ETFA: variants seen among roughly 807,000 people sequenced by gnomAD.
ETFA encodes electron transfer flavoprotein subunit alpha, mitochondrial.
Under a neutral mutation model 46.2 loss-of-function variants are expected in ETFA, and 22 were observed. The ratio of observed to expected loss-of-function variants is 0.48; its 90% CI spans 0.34 to 0.68. ETFA has a LOEUF of 0.68. Among genes scored for constraint, ETFA ranks in the 30% least tolerant of loss-of-function variants. The probability of loss-of-function intolerance (pLI) is 0.01; values close to 1 mark genes in which losing one functional copy is unlikely to be tolerated. For missense variants in ETFA, 345 were observed against 401.1 expected (o/e 0.86, Z 1.19); for synonymous variants, 131 against 139.9 (o/e 0.94, Z 0.45).
At chr15:76,256,983 T>C (rs1022509710) in intron 9 of ETFA, among the ~76,000 whole-genome samples, 1 of 152,246 alleles carries the variant, frequency 6.6e-6, no homozygotes, top group Non-Finnish European at 1.5e-5. Context: ...CACTCTATGA[T>C]GCTTACACAA....
chr15:76,240,296 C>T (rs2039171641), intron 9 of ETFA, among the ~76,000 whole-genome samples: 1 of 152,150 alleles, frequency 6.6e-6, no homozygotes, highest in Admixed American at 6.5e-5. Context: ...GGACTTGGTT[C>T]TTTTTAGTGA....
intron 9 of ETFA, among the ~76,000 whole-genome samples, chr15:76,249,446 T>C (rs1413688366): frequency 2.2e-4 from 30 of 139,094 alleles, no homozygotes; most frequent in African/African-American, 7.3e-4. Context: ...TTTTTTTTTT[T>C]TTTTTTTTTT....
intron 9 of ETFA, among the ~76,000 whole-genome samples, chr15:76,255,557 G>T (rs1382997240): frequency 6.6e-6 from 1 of 152,166 alleles, no homozygotes; most frequent in African/African-American, 2.4e-5. Flanking sequence ...AAAATATTTA[G>T]CTGTAAACAT....
chr15:76,260,643 A>C, intron 9 of ETFA: 5 of 1,544,306 alleles, frequency 3.2e-6, no homozygotes, highest in Non-Finnish European at 2.7e-6. Context: ...ATAGGGTCCC[A>C]GGGGGCCTTC....
chr15:76,260,055 C>T, intron 9 of ETFA: 1 of 1,488,186 alleles, frequency 6.7e-7, no homozygotes, highest in African/African-American at 1.4e-5. Context: ...CAGCTTTCAG[C>T]ATCTTCATAG....
chr15:76,221,120 C>A (rs1159177898), intron 11 of ETFA, among the ~76,000 whole-genome samples: 1 of 152,078 alleles, frequency 6.6e-6, no homozygotes, highest in Admixed American at 6.6e-5. Flanking sequence ...TGTTACATAC[C>A]CCTACAATGG....
chr15:76,288,573 G>A (rs2039723227), intron 4 of ETFA, among the ~76,000 whole-genome samples: 1 of 152,006 alleles, frequency 6.6e-6, no homozygotes, highest in Non-Finnish European at 1.5e-5. Flanking sequence ...GGGGATGGTG[G>A]TGTATGCCTG....
chr15:76,261,560 C>T (rs946054210), intron 9 of ETFA: 6 of 588,244 alleles, frequency 1.0e-5, no homozygotes, highest in Admixed American at 3.1e-5. Context: ...GGGACTCCCA[C>T]GAGCTTCAGA....
chr15:76,255,123 C>T (rs972744166), intron 9 of ETFA, among the ~76,000 whole-genome samples: 2 of 151,902 alleles, frequency 1.3e-5, no homozygotes, highest in Admixed American at 6.6e-5. Context: ...AAGATGAAAC[C>T]GATAACAGAG....
intron 8 of ETFA, among the ~76,000 whole-genome samples, chr15:76,276,374 T>C (rs779231414): frequency 9.2e-5 from 14 of 152,048 alleles, no homozygotes; most frequent in Non-Finnish European, 1.6e-4. Flanking sequence ...CTTCAGTATT[T>C]GTTATTTTTT....
chr15:76,274,672 G>C (rs977069882), intron 8 of ETFA, among the ~76,000 whole-genome samples, 178 bp from the exon 9 acceptor site: 2 of 151,834 alleles, frequency 1.3e-5, no homozygotes, highest in African/African-American at 4.8e-5. Context: ...TTTTAATTTG[G>C]GCTTAACTCT....
At position 76,287,889 on chromosome 15, in the gene ETFA, A is replaced by G. The variant is rs1260877339; in HGVS notation, c.408T>C (p.Ile136=). 6.2e-7 allele frequency: 1 copy of G among 1,614,044 alleles called. No individual in the cohort carries two copies. The highest frequency in any genetic ancestry group is 1.3e-5 in the African/African-American group (1 of 75,048). Reference sequence around the variant, plus strand: ...CAAATGTGTCAGGTGACTTGATTGCAATGATGTCAGAAATCGGGGCAACCT... The same window carrying G: ...CAAATGTGTCAGGTGACTTGATTGCGATGATGTCAGAAATCGGGGCAACCT... ...KLEVAPISDI[I]AIKSPDTFVR... is the part of the protein sequence containing the mutation. Residue 136 remains isoleucine (I), a synonymous_variant, in exon 5 of 12, where the codon ATT becomes ATC. Coordinates refer to ENST00000557943, the MANE Select transcript of ETFA (RefSeq NM_000126.4).
chr15:76,304,681 T>C (rs755417827), intron 1 of ETFA, among the ~76,000 whole-genome samples: 3 of 137,686 alleles, frequency 2.2e-5, no homozygotes, highest in African/African-American at 8.2e-5. Context: ...AAAAAAAAAT[T>C]GGGGGAAAAA....
At chr15:76,231,924 G>A (rs1407804463) in intron 9 of ETFA, among the ~76,000 whole-genome samples, 2 of 152,062 alleles carry the variant, frequency 1.3e-5, no homozygotes, top group Admixed American at 1.3e-4. Flanking sequence ...ATTAGGATAT[G>A]TTTATTAAAC....
chr15:76,248,282 T>C (rs2039262698), intron 9 of ETFA, among the ~76,000 whole-genome samples: 1 of 152,058 alleles, frequency 6.6e-6, no homozygotes. Flanking sequence ...TGTGCATTAG[T>C]GGAGGAGAGA....
intron 11 of ETFA, among the ~76,000 whole-genome samples, chr15:76,223,598 G>A (rs1250033456): frequency 1.3e-5 from 2 of 152,184 alleles, no homozygotes; most frequent in Admixed American, 6.5e-5. Flanking sequence ...ACATAAACAT[G>A]ATATCTTGGT....
chr15:76,241,200 A>C (rs1244685022), intron 9 of ETFA, among the ~76,000 whole-genome samples: 1 of 152,142 alleles, frequency 6.6e-6, no homozygotes, highest in Admixed American at 6.5e-5. Context: ...TAGCAGGTCA[A>C]ATAAAAACTT....
chr15:76,306,678 C>T (rs1486185429), intron 1 of ETFA, among the ~76,000 whole-genome samples: 1 of 152,108 alleles, frequency 6.6e-6, no homozygotes, highest in Admixed American at 6.5e-5. Context: ...TTTTAACATA[C>T]ATTTTGTAAT....
chr15:76,307,487 AC>A (rs57149671), intron 1 of ETFA, among the ~76,000 whole-genome samples: 14,333 of 150,608 alleles, frequency 0.095, 810 homozygotes, highest in Middle Eastern at 0.15. Flanking sequence ...TACCATCTTA[AC>A]CTTTTTTTTT....
Sources: allele counts gnomAD v4.1 joint callset (sites outside exome capture counted in the v4.1 genomes callset), GRCh38; gene constraint gnomAD v4.1.1; transcripts MANE v1.5; gene names NCBI Gene and HGNC (gene_info 2026-07-23, HGNC 2026-07-21).